Variants in MAP1B observed in about 807,000 individuals in gnomAD.
MAP1B encodes microtubule-associated protein 1B.
A neutral mutation model predicts 176.1 loss-of-function variants in MAP1B; 12 were observed. That is an observed-to-expected ratio of 0.07 (90% CI 0.04 to 0.11). MAP1B has a LOEUF of 0.11. Among genes scored for constraint, MAP1B ranks in the 10% least tolerant of loss-of-function variants. The pLI is 1.00. For missense variants in MAP1B, 2,523 were observed against 2,990.5 expected, an observed-to-expected ratio of 0.84 and a Z score of 3.65; for synonymous variants, 1,044 against 1,135.0, an observed-to-expected ratio of 0.92 and a Z score of 1.61.
At chr5:72,131,083 G>A (rs75372810) in intron 2 of MAP1B, among the ~76,000 whole-genome samples, 4 of 152,136 alleles carry the variant, frequency 2.6e-5, no homozygotes, top group Admixed American at 6.5e-5. Flanking sequence ...GTCCCTATAC[G>A]GTCTCCCATG....
chr5:72,191,552 A>G lies in MAP1B; in HGVS notation c.511-2314A>G, dbSNP rs1747026905. Among the ~76,000 whole-genome samples the G allele has an allele frequency of 2.0e-5, 3 of 152,182 alleles. No individual in the cohort carries two copies. The South Asian group carries it at 6.2e-4, about 32-fold the overall frequency. ...GGCTTCATTCTGTTGTGTAGTTCCA[A>G]GGATGTAGGAGTTGTTCTTCCTCCT... On this transcript the variant is annotated intron_variant, in intron 4 of 6. Transcript: ENST00000296755.
At chr5:72,128,550 A>T (rs1029936398) in intron 2 of MAP1B, among the ~76,000 whole-genome samples, 7 of 152,086 alleles carry the variant, frequency 4.6e-5, no homozygotes, top group Admixed American at 2.0e-4. Context: ...CACTGTCCTG[A>T]TGTGCATACA....
chr5:72,168,743 T>G (rs912496032), intron 2 of MAP1B, among the ~76,000 whole-genome samples: 1 of 152,238 alleles, frequency 6.6e-6, no homozygotes. Context: ...CTACCTTGTT[T>G]GACTTGCTCT....
Position 72,107,525 on chromosome 5 carries a change from CGGCA to C in MAP1B, c.-4_-1del, listed in dbSNP as rs1480284291. ...AGACACTTCGCCGAGGCACAGCAGC[CGGCA>C]GGATGGCGACCGTGGTGGTGGAAGC... is the stretch of plus-strand genomic sequence containing the variant. On this transcript the variant is annotated 5_prime_UTR_variant, in exon 1 of 7. Transcript: ENST00000296755. 1 of 1,556,220 alleles carries C rather than the reference CGGCA, an allele frequency of 6.4e-7. No individual in the cohort carries two copies. The highest frequency in any genetic ancestry group is 1.4e-5 in the African/African-American group (1 of 73,648).
chr5:72,180,014 C>T (rs1221428187), intron 2 of MAP1B: 38 of 747,944 alleles, frequency 5.1e-5, no homozygotes, highest in Middle Eastern at 1.4e-3. Flanking sequence ...GGGGCCACCT[C>T]GGCAGCAGGC....
intron 2 of MAP1B, among the ~76,000 whole-genome samples, chr5:72,176,156 G>A (rs1263690701): frequency 6.6e-6 from 1 of 152,248 alleles, no homozygotes; most frequent in Non-Finnish European, 1.5e-5. Context: ...ATTGCCCTCA[G>A]GGCGTGTGTG....
rs552420388 is a variant in MAP1B at position 72,144,700 on chromosome 5, C to G, written c.286+28901C>G. 1.3e-3 allele frequency among the ~76,000 whole-genome samples: 204 copies of G among 152,306 alleles called. 1 individual carries two copies. Among genetic ancestry groups the G allele is most frequent in the African/African-American group, 4.6e-3 (193 of 41,568 alleles). ...CATGAGCCACCATGCCAGGCCCACGCTGAATTTCTCACAGCTGATGCTGCT... is the reference window on the plus strand; with the variant it reads ...CATGAGCCACCATGCCAGGCCCACGGTGAATTTCTCACAGCTGATGCTGCT... On this transcript the variant is annotated intron_variant, in intron 2 of 6. Transcript: ENST00000296755.
At chr5:72,174,790 G>A (rs1018957574) in intron 2 of MAP1B, among the ~76,000 whole-genome samples, 2 of 152,228 alleles carry the variant, frequency 1.3e-5, no homozygotes, top group East Asian at 3.8e-4. Context: ...TGTCATTAGA[G>A]CTTAAGTAAG....
At chr5:72,120,947 T>C (rs968997400) in intron 2 of MAP1B, among the ~76,000 whole-genome samples, 3 of 152,246 alleles carry the variant, frequency 2.0e-5, no homozygotes, top group African/African-American at 7.2e-5. Flanking sequence ...TAAAGATGTT[T>C]CTCAGAGAAA....
rs756932351 is a variant in MAP1B, at chr5:72,195,349, A to G, written c.1994A>G (p.Asp665Gly). 12 of 1,595,388 alleles carry G rather than the reference A, an allele frequency of 7.5e-6. No homozygotes were observed. The highest frequency in any genetic ancestry group is 8.5e-7 in the Non-Finnish European group (1 of 1,173,138). ...AAGAAAGAAGTGGCTAAAAAGGAGG[A>G]CAAAACACCTATCAAGAAGGAGGAA... The part of the protein sequence containing the change: ...KPKKEVAKKE[D>G]KTPIKKEEKP... Residue 665 changes from aspartate to glycine, a missense_variant, in exon 5 of 7, where the codon GAC becomes GGC. Asp to Gly is a moderately conservative substitution (Grantham distance 94). Around this residue, in one of 4 missense-constraint regions of MAP1B, gnomAD observed 1,925 missense variants for 2,126.0 expected, o/e 0.91. Transcript: ENST00000296755.
chr5:72,156,632 AC>A (rs1326984097), intron 2 of MAP1B, among the ~76,000 whole-genome samples: 1 of 152,178 alleles, frequency 6.6e-6, no homozygotes, highest in Non-Finnish European at 1.5e-5. Context: ...CCCATATGTT[AC>A]CCCATTTAAA....
intron 2 of MAP1B, among the ~76,000 whole-genome samples, chr5:72,161,985 GA>G (rs1746337889): frequency 4.8e-5 from 7 of 145,480 alleles, no homozygotes; most frequent in Non-Finnish European, 7.5e-5. Flanking sequence ...AAGAAAGAAA[GA>G]AAGAAAGAAA....
At chr5:72,153,144 T>G (rs909680454) in intron 2 of MAP1B, among the ~76,000 whole-genome samples, 3 of 152,210 alleles carry the variant, frequency 2.0e-5, no homozygotes, top group Admixed American at 6.5e-5. Context: ...TTCAGATCTG[T>G]GTTTGCTGCT....
chr5:72,199,059 G>T lies in MAP1B; in HGVS notation c.5704G>T (p.Gly1902Cys), dbSNP rs1275265187. The change falls in exon 5 of 7, where the codon GGT (glycine) becomes TGT (cysteine). Residue 1902 changes from glycine (G) to cysteine (C), a missense_variant. Gly to Cys is a radical substitution (Grantham distance 159). Coordinates refer to ENST00000296755, the MANE Select transcript of MAP1B (RefSeq NM_005909.5). The surrounding 1 kb of genome is among the most constrained non-coding windows in gnomAD (Gnocchi z 4.2). ...YEKTTRTSDV[G>C]GYYYEKIERT... The stretch of plus-strand genomic sequence containing the variant: ...GAAGACCACCCGGACCTCAGATGTG[G>T]GTGGCTATTACTATGAGAAGATAGA... 1 of 1,613,972 alleles carries T rather than the reference G, an allele frequency of 6.2e-7. No homozygotes were observed. The highest frequency in any genetic ancestry group is 8.5e-7 in the Non-Finnish European group (1 of 1,180,024).
chr5:72,195,810 C>G lies in MAP1B; in HGVS notation c.2455C>G (p.Pro819Ala). ...GGCAGCTGGAATAGCAGCCATTGGC[C>G]CTGCCAAAGAACTCGAAGCTGAGAG... is the stretch of plus-strand genomic sequence containing the variant. ...MAAAGIAAIGPAKELEAERSL... is the reference protein window; with the variant it reads ...MAAAGIAAIGAAKELEAERSL... Residue 819 changes from proline (P) to alanine (A), a missense_variant, in exon 5 of 7, where the codon CCT becomes GCT. Pro to Ala is a conservative substitution (Grantham distance 27, BLOSUM62 -1). Coordinates refer to ENST00000296755, the MANE Select transcript of MAP1B (RefSeq NM_005909.5). 6.2e-7 allele frequency: 1 copy of G among 1,614,212 alleles called. No individual in the cohort carries two copies. Among genetic ancestry groups the G allele is most frequent in the Non-Finnish European group, 8.5e-7 (1 of 1,180,046 alleles).
chr5:72,151,828 G>A (rs1157408629), intron 2 of MAP1B, among the ~76,000 whole-genome samples: 1 of 152,020 alleles, frequency 6.6e-6, no homozygotes, highest in East Asian at 1.9e-4. Context: ...GTCATCACTG[G>A]GTTGTGTTTT....
chr5:72,183,864 ACACACTG>A, intron 3 of MAP1B, 39 bp downstream of exon 3: 7 of 1,570,446 alleles, frequency 4.5e-6, no homozygotes, highest in Non-Finnish European at 6.1e-6. Context: ...GCCGGGCCCC[ACACACTG>A]GATAGGGACC....
intron 2 of MAP1B, among the ~76,000 whole-genome samples, chr5:72,130,356 G>A (rs914126320): frequency 2.0e-5 from 3 of 152,246 alleles, no homozygotes; most frequent in Non-Finnish European, 4.4e-5. Flanking sequence ...GAAATAGGGA[G>A]GCCTTAGGCT....
chr5:72,174,131 CAAAAT>C (rs989061243), intron 2 of MAP1B, among the ~76,000 whole-genome samples: 1 of 152,088 alleles, frequency 6.6e-6, no homozygotes, highest in African/African-American at 2.4e-5. Context: ...AACCTCGTCT[CAAAAT>C]AAATAAACAA....
Sources: allele counts gnomAD v4.1 joint callset (sites outside exome capture counted in the v4.1 genomes callset), GRCh38; gene constraint gnomAD v4.1.1; regional missense constraint gnomAD v4.1.1; non-coding constraint Gnocchi (gnomAD v3.1); transcripts MANE v1.5; gene names NCBI Gene and HGNC (gene_info 2026-07-23, HGNC 2026-07-21).